Variants in ENOX1 observed in about 807,000 individuals in gnomAD.
ENOX1 encodes ecto-NOX disulfide-thiol exchanger 1, also known as candidate growth-related and time keeping constitutive hydroquinone (NADH) oxidase.
In ENOX1, 42 loss-of-function variants were observed where a neutral mutation model predicts 82.5. The ratio of observed to expected loss-of-function variants is 0.51; its 90% CI spans 0.40 to 0.66. ENOX1 has a LOEUF of 0.66. ENOX1 is among the 30% of genes least tolerant of loss of function. ENOX1 has a pLI of 0.00. For synonymous variants in ENOX1, 271 were observed against 282.2 expected, an observed-to-expected ratio of 0.96 and a Z score of 0.40; for missense variants, 608 against 811.6, an observed-to-expected ratio of 0.75 and a Z score of 3.05.
chr13:43,237,748 A>G (rs1481910512), intron 14 of ENOX1, among the ~76,000 whole-genome samples: 1 of 152,250 alleles, frequency 6.6e-6, no homozygotes, highest in Admixed American at 6.5e-5. Context: ...CCAAGAGTAC[A>G]GGAAGTATTG....
At chr13:43,312,502 T>C (rs74472951) in intron 11 of ENOX1, among the ~76,000 whole-genome samples, 6,805 of 152,278 alleles carry the variant, frequency 0.045, 275 homozygotes, top group South Asian at 0.22. Context: ...CCATCAAGCA[T>C]GTGCCTGAGG....
At chr13:43,249,343 T>C (rs2043319556) in intron 14 of ENOX1, among the ~76,000 whole-genome samples, 1 of 152,226 alleles carries the variant, frequency 6.6e-6, no homozygotes, top group Admixed American at 6.5e-5. Flanking sequence ...CACACTGCTA[T>C]AGCTACTCAA....
At chr13:43,299,853 T>C (rs888294360) in intron 11 of ENOX1, among the ~76,000 whole-genome samples, 1 of 152,174 alleles carries the variant, frequency 6.6e-6, no homozygotes, top group Non-Finnish European at 1.5e-5. Flanking sequence ...CGTCAGTGCA[T>C]GCGCGTTTCC....
chr13:43,705,003 A>G (rs2087160181), intron 1 of ENOX1, among the ~76,000 whole-genome samples: 2 of 152,120 alleles, frequency 1.3e-5, no homozygotes, highest in South Asian at 2.1e-4. Flanking sequence ...CCTAATATTG[A>G]CCAGTAACAT....
At chr13:43,527,488 A>C (rs757480073) in intron 2 of ENOX1, among the ~76,000 whole-genome samples, 46 of 152,090 alleles carry the variant, frequency 3.0e-4, no homozygotes, top group Admixed American at 1.6e-3. Context: ...GGGAAAGGAG[A>C]ACTTGATTTT....
chr13:43,431,277 G>C (rs779057932), intron 3 of ENOX1, among the ~76,000 whole-genome samples: 1 of 152,022 alleles, frequency 6.6e-6, no homozygotes, highest in Non-Finnish European at 1.5e-5. Flanking sequence ...TGGAGCTCCC[G>C]CAACACAGAT....
At chr13:43,372,416 A>G (rs2051302932) in intron 5 of ENOX1, among the ~76,000 whole-genome samples, 1 of 152,202 alleles carries the variant, frequency 6.6e-6, no homozygotes, top group African/African-American at 2.4e-5. Context: ...TCTAGCTACA[A>G]GAAACCAGAC....
intron 2 of ENOX1, among the ~76,000 whole-genome samples, chr13:43,650,186 A>G (rs1052281106): frequency 6.6e-6 from 1 of 152,218 alleles, no homozygotes; most frequent in Non-Finnish European, 1.5e-5. Context: ...CTGCCAAAGT[A>G]ACACCGTTAG....
intron 2 of ENOX1, among the ~76,000 whole-genome samples, chr13:43,617,635 T>C (rs1235673349): frequency 1.3e-5 from 2 of 152,236 alleles, no homozygotes; most frequent in African/African-American, 4.8e-5. Flanking sequence ...TGACAGGTAT[T>C]TGGGCTGGTT....
In ENOX1 at chr13:43,353,959, C is replaced by T. The variant is rs1041312759; in HGVS notation, c.823+1960G>A. 6.6e-5 allele frequency among the ~76,000 whole-genome samples: 10 copies of T among 152,316 alleles called. No individual in the cohort carries two copies. In the East Asian group the frequency reaches 7.7e-4, roughly 12 times the overall value. On this transcript the variant is annotated intron_variant, in intron 8 of 16. Coordinates refer to ENST00000690772, the MANE Select transcript of ENOX1 (RefSeq NM_001347969.2). ...GCAAATGCCACATACTTCATACGTGCGGAGACACTTCTGTACTGGGTTCTT... is the reference window on the plus strand; with the variant it reads ...GCAAATGCCACATACTTCATACGTGTGGAGACACTTCTGTACTGGGTTCTT...
At chr13:43,738,733 C>CA (rs35203990) in intron 1 of ENOX1, among the ~76,000 whole-genome samples, 137,426 of 152,134 alleles carry the variant, frequency 0.9, 62,523 homozygotes, top group Non-Finnish European at 0.97. Flanking sequence ...TTTTTGTTCC[C>CA]AAACTCTGAA....
At chr13:43,466,744 C>T (rs758135244) in intron 3 of ENOX1, among the ~76,000 whole-genome samples, 5 of 152,168 alleles carry the variant, frequency 3.3e-5, no homozygotes, top group East Asian at 1.9e-4. Context: ...TATCTAATTC[C>T]GGAAACTTTC....
intron 13 of ENOX1, among the ~76,000 whole-genome samples, chr13:43,269,255 C>T (rs1465428103): frequency 6.6e-6 from 1 of 152,152 alleles, no homozygotes; most frequent in East Asian, 1.9e-4. Context: ...CACTGGCAGG[C>T]TTGGGCAATC....
chr13:43,596,502 T>C (rs2081479798), intron 2 of ENOX1, among the ~76,000 whole-genome samples: 2 of 152,248 alleles, frequency 1.3e-5, no homozygotes, highest in Admixed American at 6.5e-5. Context: ...CTTTTAGACA[T>C]GGAAGTCCTT....
intron 12 of ENOX1, among the ~76,000 whole-genome samples, chr13:43,290,882 C>T (rs1388769738): frequency 1.3e-5 from 2 of 152,034 alleles, no homozygotes; most frequent in African/African-American, 2.4e-5. Flanking sequence ...CAAAAATTAA[C>T]CAGGCGCAGT....
intron 1 of ENOX1, among the ~76,000 whole-genome samples, chr13:43,776,719 G>A (rs965506671): frequency 2.8e-4 from 42 of 152,002 alleles, no homozygotes; most frequent in African/African-American, 1.0e-3. Flanking sequence ...GGAATCTGTG[G>A]GACAAAGTCA....
chr13:43,600,411 T>A (rs755938576), intron 2 of ENOX1, among the ~76,000 whole-genome samples: 1 of 152,134 alleles, frequency 6.6e-6, no homozygotes, highest in Non-Finnish European at 1.5e-5. Flanking sequence ...CACTGCAGAC[T>A]TGGGGCAGTG....
chr13:43,427,575 G>C (rs1048911533), intron 3 of ENOX1, among the ~76,000 whole-genome samples: 1 of 152,188 alleles, frequency 6.6e-6, no homozygotes, highest in Non-Finnish European at 1.5e-5. Flanking sequence ...GTAAAGGTTA[G>C]TTCCATCCCT....
At chr13:43,355,834 C>A (rs1291215780) in intron 8 of ENOX1, 85 bp downstream of exon 8, 8 of 1,310,530 alleles carry the variant, frequency 6.1e-6, no homozygotes, top group Non-Finnish European at 6.4e-6. Context: ...GCTGAAGGGA[C>A]AATGGTGGAC....
Sources: gnomAD v4.1 joint callset for allele counts (sites outside exome capture counted in the v4.1 genomes callset) on GRCh38, gnomAD v4.1.1 for gene constraint, MANE v1.5 for transcripts, NCBI Gene and HGNC (gene_info 2026-07-23, HGNC 2026-07-21) for gene names.